Variants in ALDH1A2 observed in about 807,000 individuals in gnomAD.
ALDH1A2 encodes the protein retinal dehydrogenase 2.
Under a neutral mutation model 60.3 loss-of-function variants are expected in ALDH1A2, and 27 were observed. The observed-to-expected ratio is 0.45, with a 90% CI of 0.33 to 0.62. The LOEUF (loss-of-function observed/expected upper bound fraction) is 0.62. Among genes scored for constraint, ALDH1A2 ranks in the 20% least tolerant of loss-of-function variants. The pLI is 0.02. For missense variants in ALDH1A2, 581 were observed against 643.8 expected (o/e 0.90, Z 1.06); for synonymous variants, 289 against 232.4 (o/e 1.24, Z -2.21).
intron 1 of ALDH1A2, chr15:58,036,507 T>A (rs1896381696): frequency 6.6e-6 from 1 of 151,538 alleles, no homozygotes; most frequent in African/African-American, 2.4e-5. Flanking sequence ...TTAAGGGACC[T>A]GCGCAACTCC....
chr15:57,961,619 C>G (rs952243790), intron 10 of ALDH1A2, among the ~76,000 whole-genome samples: 1 of 152,200 alleles, frequency 6.6e-6, no homozygotes, highest in African/African-American at 2.4e-5. Flanking sequence ...ATGCTCTGGA[C>G]TGTGGGCTGA....
intron 12 of ALDH1A2, among the ~76,000 whole-genome samples, chr15:57,958,728 G>T (rs1893624995): frequency 6.6e-6 from 1 of 152,172 alleles, no homozygotes; most frequent in African/African-American, 2.4e-5. Flanking sequence ...AAGAGTTGGG[G>T]ACCAAGACAG....
At position 58,065,481 on chromosome 15, in the gene ALDH1A2, G is replaced by A. The variant is rs1295125321; in HGVS notation, c.117+53C>T. 4.1e-6 allele frequency: 6 copies of A among 1,460,056 alleles called. No individual in the cohort carries two copies. In the Admixed American group the frequency reaches 6.7e-5, roughly 16 times the overall value. 90.4% of individuals were successfully genotyped at this position (1,460,056 alleles called of 1,614,324 possible). ...ACCCGCTGAAGAGATCGGGGAAACCGAAGAAGGTTCTAGAAAGTCTCCGTG... is the reference window on the plus strand; with the variant it reads ...ACCCGCTGAAGAGATCGGGGAAACCAAAGAAGGTTCTAGAAAGTCTCCGTG... On this transcript the variant is annotated intron_variant, in intron 1 of 12. Transcript: ENST00000249750.
intron 1 of ALDH1A2, among the ~76,000 whole-genome samples, chr15:58,026,771 G>C (rs993559766): frequency 6.6e-6 from 1 of 152,204 alleles, no homozygotes. Flanking sequence ...CACTGCTAGT[G>C]CAGCAGTCTG....
chr15:58,047,981 T>G (rs1420635214), intron 1 of ALDH1A2, among the ~76,000 whole-genome samples: 2 of 152,052 alleles, frequency 1.3e-5, no homozygotes, highest in Non-Finnish European at 2.9e-5. Context: ...TTAGAAAGCT[T>G]GCTTTGAGAA....
At chr15:57,988,984 T>C (rs933329857) in intron 7 of ALDH1A2, among the ~76,000 whole-genome samples, 6 of 150,166 alleles carry the variant, frequency 4.0e-5, no homozygotes, top group South Asian at 2.1e-4. Flanking sequence ...CTAGCCAACA[T>C]GGTGAAACCC....
At chr15:57,981,926 T>C (rs1303870624) in intron 7 of ALDH1A2, among the ~76,000 whole-genome samples, 1 of 152,156 alleles carries the variant, frequency 6.6e-6, no homozygotes, top group African/African-American at 2.4e-5. Flanking sequence ...GGCTGGGAAG[T>C]CCAAGGTTGA....
chr15:57,988,022 A>T (rs1894768278), intron 7 of ALDH1A2, among the ~76,000 whole-genome samples: 1 of 152,232 alleles, frequency 6.6e-6, no homozygotes, highest in Admixed American at 6.5e-5. Flanking sequence ...TGCCAGAAGG[A>T]AATGGGCCTA....
chr15:58,036,436 T>G (rs1384949262), intron 1 of ALDH1A2, among the ~76,000 whole-genome samples: 2 of 151,614 alleles, frequency 1.3e-5, no homozygotes, highest in Non-Finnish European at 3.0e-5. Flanking sequence ...AAAATAATAG[T>G]CTAAAGAAAT....
chr15:58,047,476 T>C (rs774688584), intron 1 of ALDH1A2, among the ~76,000 whole-genome samples: 92 of 152,030 alleles, frequency 6.1e-4, no homozygotes, highest in Non-Finnish European at 8.8e-4. Flanking sequence ...TGTCCCACTG[T>C]TTCTACTTTA....
chr15:57,962,697 C>A (rs909204033), intron 9 of ALDH1A2, among the ~76,000 whole-genome samples: 68 of 151,522 alleles, frequency 4.5e-4, no homozygotes, highest in African/African-American at 1.6e-3. Flanking sequence ...GGATGAGCTT[C>A]CTAGTCCAAA....
chr15:58,043,735 A>G (rs1896574072), intron 1 of ALDH1A2, among the ~76,000 whole-genome samples: 2 of 152,004 alleles, frequency 1.3e-5, no homozygotes, highest in Admixed American at 6.6e-5. Flanking sequence ...CTGCCAAAAA[A>G]CGGTTTTTGT....
chr15:58,039,822 G>A (rs1321532920), intron 1 of ALDH1A2, among the ~76,000 whole-genome samples: 1 of 151,826 alleles, frequency 6.6e-6, no homozygotes, highest in African/African-American at 2.4e-5. Context: ...TGCAAAAGGA[G>A]AGGAAGTTGG....
chr15:58,014,048 A>C (rs1422470966), intron 2 of ALDH1A2, 50 bp from the exon 3 acceptor site: 1 of 1,614,092 alleles, frequency 6.2e-7, no homozygotes, highest in South Asian at 1.1e-5. Context: ...CAAATAAAGG[A>C]AGAACCATCC....
At chr15:58,008,744 C>T (rs1895538142) in intron 4 of ALDH1A2, among the ~76,000 whole-genome samples, 1 of 152,084 alleles carries the variant, frequency 6.6e-6, no homozygotes, top group Non-Finnish European at 1.5e-5. Context: ...GGACTTTGAT[C>T]TTGTAAATTT....
chr15:57,998,333 G>C (rs1566943376), intron 4 of ALDH1A2, among the ~76,000 whole-genome samples: 2 of 152,064 alleles, frequency 1.3e-5, no homozygotes, highest in African/African-American at 4.8e-5. Flanking sequence ...TTCTTAAGCT[G>C]ATAAGCAACT....
chr15:57,968,711 G>T (rs1469337162), intron 7 of ALDH1A2, among the ~76,000 whole-genome samples: 1 of 152,228 alleles, frequency 6.6e-6, no homozygotes, highest in Non-Finnish European at 1.5e-5. Flanking sequence ...CACATAGTAA[G>T]ATGCTGAGTA....
chr15:57,999,081 C>T (rs1228560196), intron 4 of ALDH1A2, among the ~76,000 whole-genome samples: 4 of 151,954 alleles, frequency 2.6e-5, no homozygotes, highest in African/African-American at 7.2e-5. Context: ...AGTGCAAAAC[C>T]CAAAACTATG....
chr15:57,970,351 C>T (rs1170732231), intron 7 of ALDH1A2, among the ~76,000 whole-genome samples: 1 of 152,282 alleles, frequency 6.6e-6, no homozygotes, highest in Middle Eastern at 3.4e-3. Context: ...GGGGCTCCTC[C>T]ACACATAATG....
Sources: gnomAD v4.1 joint callset for allele counts (sites outside exome capture counted in the v4.1 genomes callset) on GRCh38, gnomAD v4.1.1 for gene constraint, MANE v1.5 for transcripts, NCBI Gene and HGNC (gene_info 2026-07-23, HGNC 2026-07-21) for gene names.